The following CRYAB variants were observed in gnomAD, a reference collection of about 807,000 sequenced individuals.
CRYAB encodes the protein crystallin alpha B.
CRYAB carries 9 observed loss-of-function variants against 12.7 expected under a neutral mutation model. That is an observed-to-expected ratio of 0.71 (90% confidence interval 0.43 to 1.24). CRYAB has a LOEUF of 1.24. Ranked by LOEUF, CRYAB falls within the 50% of genes most tolerant of loss-of-function variation. The pLI, the probability that CRYAB is intolerant of heterozygous loss-of-function variation, is 0.00. For missense variants in CRYAB, 183 were observed against 226.6 expected, an observed-to-expected ratio of 0.81 and a Z score of 1.24; for synonymous variants, 93 against 86.8, an observed-to-expected ratio of 1.07 and a Z score of -0.40.
At chr11:111,909,205 C>T in intron 2 of CRYAB, 1 of 601,724 alleles carries the variant, frequency 1.7e-6, no homozygotes, top group South Asian at 1.5e-5. Flanking sequence ...GTTTTTCAAA[C>T]CCTGAGGCAT....
At chr11:111,909,003 A>T (rs1965366988) in intron 2 of CRYAB, 36 bp from the exon 3 acceptor site, 4 of 1,609,944 alleles carry the variant, frequency 2.5e-6, no homozygotes, top group Non-Finnish European at 3.4e-6. Flanking sequence ...GCAGAGAGAT[A>T]AGAACAGGAA....
chr11:111,913,409 A>G, upstream of CRYAB: 4 of 1,542,634 alleles, frequency 2.6e-6, no homozygotes, highest in East Asian at 2.3e-5. Context: ...ATCCTCCCTC[A>G]TCCTGCCTCT....
At chr11:111,913,140 TG>T, upstream of CRYAB, 2 of 600,386 alleles carry the variant, frequency 3.3e-6, no homozygotes, top group South Asian at 4.0e-5. Flanking sequence ...TGCTGATACC[TG>T]CTCTTTGCCG....
At chr11:111,920,804 G>T (rs1965684715) in intron 1 of CRYAB, among the ~76,000 whole-genome samples, 2 of 152,110 alleles carry the variant, frequency 1.3e-5, no homozygotes, top group Non-Finnish European at 2.9e-5. Context: ...GTAGGAAAAA[G>T]AAGAATATCC....
In CRYAB at chr11:111,911,661, G is replaced by T. The variant is rs781928709; in HGVS notation, c.64C>A (p.Arg22Ser). ...RPFFPFHSPS[R>S]LFDQFFGEHL... is the part of the protein sequence containing the mutation. ...TCTCCGAAGAACTGGTCAAAGAGGC[G>T]GCTGGGGGAGTGGAAAGGAAAGAAG... Residue 22 changes from arginine (R) to serine (S), a missense_variant, in exon 1 of 3, where the codon CGC becomes AGC. By Grantham distance (110) the Arg-to-Ser change is moderately radical. Coordinates refer to ENST00000650687, the MANE Select transcript of CRYAB (RefSeq NM_001289808.2). 1 of 1,608,872 alleles carries T rather than the reference G, an allele frequency of 6.2e-7. No homozygotes were observed. Among genetic ancestry groups the T allele is most frequent in the East Asian group, 2.2e-5 (1 of 44,766 alleles).
At chr11:111,913,789 G>A (rs587693757), upstream of CRYAB, 8 of 1,614,146 alleles carry the variant, frequency 5.0e-6, no homozygotes, top group South Asian at 1.1e-5. Flanking sequence ...GAAGCACCTC[G>A]GGGTGGCCGA....
In CRYAB at chr11:111,908,903, G is replaced by C; in HGVS notation, c.389C>G (p.Pro130Arg). ...RKYRIPADVD[P>R]LTITSSLSSD... ...TGACAGGGATGAAGTAATGGTGAGA[G>C]GGTCTACATCAGCTGGGATCCGGTA... Residue 130 changes from proline (P) to arginine (R), a missense_variant, in exon 3 of 3, where the codon CCT becomes CGT. Around this residue, in one of 3 missense-constraint regions of CRYAB, gnomAD observed 95 missense variants for 112.5 expected, o/e 0.84. Coordinates refer to ENST00000650687, the MANE Select transcript of CRYAB (RefSeq NM_001289808.2). 6.2e-7 allele frequency: 1 copy of C among 1,614,100 alleles called. No homozygotes were observed. The highest frequency in any genetic ancestry group is 8.5e-7 in the Non-Finnish European group (1 of 1,180,028).
At chr11:111,916,258 C>A (rs1478440874), upstream of CRYAB, among the ~76,000 whole-genome samples, 6 of 149,902 alleles carry the variant, frequency 4.0e-5, no homozygotes, top group African/African-American at 9.8e-5. Flanking sequence ...AAGACAAAGT[C>A]TCTCTCTGTC....
At position 111,911,649 on chromosome 11, in the gene CRYAB, G is replaced by A. The variant is rs1965461881; in HGVS notation, c.76C>T (p.Gln26Ter). Residue 26 changes from glutamine (Q) to a stop codon, truncating the protein, a stop_gained, in exon 1 of 3, where the codon CAG (glutamine) becomes TAG (stop). Transcript: ENST00000650687. LOFTEE classifies it high-confidence loss of function. The stretch of plus-strand genomic sequence containing the variant: ...TCCAACAGGTGCTCTCCGAAGAACT[G>A]GTCAAAGAGGCGGCTGGGGGAGTGG... Reference protein sequence around the residue: ...PFHSPSRLFDQFFGEHLLESD... With the variant: ...PFHSPSRLFD The A allele has an allele frequency of 6.2e-7, 1 of 1,610,920 alleles. No homozygotes were observed. Among genetic ancestry groups the A allele is most frequent in the Non-Finnish European group, 8.5e-7 (1 of 1,178,726 alleles).
At chr11:111,920,307 A>T (rs1054791889) in intron 1 of CRYAB, among the ~76,000 whole-genome samples, 8 of 152,182 alleles carry the variant, frequency 5.3e-5, no homozygotes, top group African/African-American at 1.9e-4. Flanking sequence ...AGGCTGAGGC[A>T]GGCAGATGAC....
chr11:111,919,065 G>A lies in CRYAB; in HGVS notation c.-199+4638C>T, dbSNP rs1965644744. ...CTCTGTTGGTGGATGTAGAGGCCCC[G>A]AAAATCAGAGGACCTGGAGATAGTT... On this transcript the variant is annotated intron_variant, in intron 1 of 3. Transcript: ENST00000527950. 6 of 1,584,498 alleles carry A rather than the reference G, an allele frequency of 3.8e-6. No homozygotes were observed. In the South Asian group the frequency reaches 4.5e-5, roughly 12 times the overall value.
At chr11:111,914,295 T>A (rs1252535034), upstream of CRYAB, among the ~76,000 whole-genome samples, 1 of 152,106 alleles carries the variant, frequency 6.6e-6, no homozygotes, top group African/African-American at 2.4e-5. Context: ...TTTCTCACAA[T>A]GCAACAAAAG....
intron 2 of CRYAB, chr11:111,909,289 A>G (rs1965377902): frequency 2.1e-6 from 1 of 468,400 alleles, no homozygotes; most frequent in Non-Finnish European, 4.2e-6. Context: ...AATCTCATTT[A>G]GAATCTGAGT....
chr11:111,913,658 C>G (rs1555165883), upstream of CRYAB: 1 of 1,614,184 alleles, frequency 6.2e-7, no homozygotes, highest in East Asian at 2.2e-5. Context: ...CCCGGCACCC[C>G]CAGCGCCTGG....
In CRYAB at chr11:111,908,871, C is replaced by A; in HGVS notation, c.421G>T (p.Gly141Trp). Residue 141 changes from glycine to tryptophan, a missense_variant, in exon 3 of 3, where the codon GGG (glycine) becomes TGG (tryptophan). Physicochemically the swap from Gly to Trp is radical, Grantham distance 184 (BLOSUM62 -2). Around this residue, in one of 3 missense-constraint regions of CRYAB, gnomAD observed 95 missense variants for 112.5 expected, o/e 0.84. Transcript: ENST00000650687. Reference sequence around the variant, plus strand: ...CTTGGTCCATTCACAGTGAGGACCCCATCAGATGACAGGGATGAAGTAATG... The same window carrying A: ...CTTGGTCCATTCACAGTGAGGACCCAATCAGATGACAGGGATGAAGTAATG... ...LTITSSLSSD[G>W]VLTVNGPRKQ... is the part of the protein sequence containing the mutation. 1 of 1,614,012 alleles carries A rather than the reference C, an allele frequency of 6.2e-7. No homozygotes were observed. The highest frequency in any genetic ancestry group is 8.5e-7 in the Non-Finnish European group (1 of 1,179,968).
intron 1 of CRYAB, among the ~76,000 whole-genome samples, chr11:111,920,538 GA>G (rs782071149): frequency 1.6e-4 from 23 of 143,990 alleles, no homozygotes; most frequent in East Asian, 2.0e-4. Context: ...ACTATGTCTT[GA>G]AAAAAAAAAA....
At chr11:111,912,681 T>TCCCCCC (rs201659950), upstream of CRYAB, 1 of 223,794 alleles carries the variant, frequency 4.5e-6, no homozygotes, top group African/African-American at 3.0e-5. Context: ...TCCCAGCCCC[T>TCCCCCC]CCCCCCCCAA....
At chr11:111,913,099 G>A (rs1965522822), upstream of CRYAB, 1 of 624,386 alleles carries the variant, frequency 1.6e-6, no homozygotes, top group African/African-American at 2.0e-5. Flanking sequence ...TCCCATTCCT[G>A]CTGACCTCAA....
At chr11:111,910,542 G>T in intron 1 of CRYAB, 93 bp from the exon 2 acceptor site, 1 of 1,474,496 alleles carries the variant, frequency 6.8e-7, no homozygotes, top group Non-Finnish European at 9.4e-7. Flanking sequence ...GCTGCTTTCT[G>T]TCCGGGTAAT....
Sources: gnomAD v4.1 joint callset for allele counts (sites outside exome capture counted in the v4.1 genomes callset) on GRCh38, gnomAD v4.1.1 for gene constraint, gnomAD v4.1.1 regional missense constraint, MANE v1.5 for transcripts, NCBI Gene and HGNC (gene_info 2026-07-23, HGNC 2026-07-21) for gene names.